The following CTDP1 variants were observed in gnomAD, a reference collection of about 807,000 sequenced individuals.
CTDP1 encodes the protein CTD phosphatase 1, also known as RNA polymerase II subunit A C-terminal domain phosphatase.
In CTDP1, 47 loss-of-function variants were observed where a neutral mutation model predicts 91.8. The ratio of observed to expected loss-of-function variants is 0.51; its 90% CI spans 0.41 to 0.65. The LOEUF (loss-of-function observed/expected upper bound fraction) is 0.65. CTDP1 is among the 30% of genes least tolerant of loss of function. CTDP1 has a pLI of 0.00. For missense variants in CTDP1, 1,272 were observed against 1,373.7 expected (o/e 0.93, Z 1.17); for synonymous variants, 656 against 598.5 (o/e 1.10, Z -1.40).
chr18:79,695,131 G>C (rs2085720640), intron 1 of CTDP1, 94 bp from the exon 2 acceptor site: 1 of 1,116,520 alleles, frequency 9.0e-7, no homozygotes, highest in Admixed American at 1.9e-5. Context: ...GTGTAGAATT[G>C]GTACAAAAAC....
At chr18:79,711,614 A>G (rs550241401) in intron 6 of CTDP1, among the ~76,000 whole-genome samples, 37 of 152,328 alleles carry the variant, frequency 2.4e-4, no homozygotes, top group African/African-American at 8.4e-4. Flanking sequence ...CAGCGTCAGC[A>G]TCTGAGGTTG....
chr18:79,750,443 C>A (rs10460022), intron 12 of CTDP1, among the ~76,000 whole-genome samples: 4 of 151,946 alleles, frequency 2.6e-5, no homozygotes, highest in African/African-American at 9.7e-5. Context: ...AAAATAAATT[C>A]GTTTAAAACT....
At chr18:79,712,435 C>T (rs2086103747) in intron 6 of CTDP1, among the ~76,000 whole-genome samples, 2 of 152,162 alleles carry the variant, frequency 1.3e-5, no homozygotes, top group South Asian at 4.1e-4. Context: ...GCGCACACCC[C>T]CACACCTGTC....
In CTDP1 at chr18:79,690,593, T is replaced by G. The variant is rs146274380; in HGVS notation, c.315-4632T>G. ...TTTTCACCCCTGTTTTCTGTCAGCA[T>G]CTGCAAAGACGAAGTGTAGAAATGT... On this transcript the variant is annotated intron_variant, in intron 1 of 12. Transcript: ENST00000613122. Among the ~76,000 whole-genome samples the G allele has an allele frequency of 4.1e-3, 624 of 152,316 alleles. 8 individuals are homozygous for G. Among genetic ancestry groups the G allele is most frequent in the African/African-American group, 0.014 (572 of 41,574 alleles).
rs371304097 is a variant in CTDP1 at position 79,697,245 on chromosome 18, T to G, written c.493-615T>G. The stretch of plus-strand genomic sequence containing the variant: ...CCTGAGCGGGACCAGGATTTTGTTG[T>G]GAAGAGTGAGGGCCAGTTACAGTGA... On this transcript the variant is annotated intron_variant, in intron 3 of 12. Coordinates refer to ENST00000613122, the MANE Select transcript of CTDP1 (RefSeq NM_004715.5). Among the ~76,000 whole-genome samples, 624 of 152,292 alleles carry G rather than the reference T, an allele frequency of 4.1e-3. 9 individuals are homozygous for G. Among genetic ancestry groups the G allele is most frequent in the African/African-American group, 0.014 (572 of 41,558 alleles).
At chr18:79,721,115 A>G (rs917511782) in intron 10 of CTDP1, among the ~76,000 whole-genome samples, 1 of 152,152 alleles carries the variant, frequency 6.6e-6, no homozygotes, top group African/African-American at 2.4e-5. Context: ...CACGCTGCCC[A>G]CTTGCTCCTG....
chr18:79,707,374 GCAGA>G (rs1381060001), intron 5 of CTDP1, among the ~76,000 whole-genome samples: 5 of 152,244 alleles, frequency 3.3e-5, no homozygotes, highest in Non-Finnish European at 7.3e-5. Flanking sequence ...GAGCATCCAT[GCAGA>G]CATCCGCAGG....
intron 11 of CTDP1, among the ~76,000 whole-genome samples, chr18:79,733,466 A>G (rs2086605834): frequency 6.6e-6 from 1 of 151,478 alleles, no homozygotes; most frequent in Non-Finnish European, 1.5e-5. Flanking sequence ...TCTCCTGTAC[A>G]CCCCTGCGGA....
intron 12 of CTDP1, among the ~76,000 whole-genome samples, chr18:79,752,011 T>C (rs531749761): frequency 6.6e-6 from 1 of 152,314 alleles, no homozygotes; most frequent in East Asian, 1.9e-4. Context: ...CCTCTAAGGT[T>C]GTAGCTGAGG....
At chr18:79,683,953 G>C (rs1467803222) in intron 1 of CTDP1, among the ~76,000 whole-genome samples, 2 of 152,210 alleles carry the variant, frequency 1.3e-5, no homozygotes, top group Non-Finnish European at 2.9e-5. Context: ...CCTTTATCTT[G>C]ATCCTTTCAC....
At position 79,701,863 on chromosome 18, in the gene CTDP1, G is replaced by A. The variant is rs190354358; in HGVS notation, c.622-2904G>A. On this transcript the variant is annotated intron_variant, in intron 4 of 12. Coordinates refer to ENST00000613122, the MANE Select transcript of CTDP1 (RefSeq NM_004715.5). ...GAGCTGCAGGTGTGGTGGAAATAGC[G>A]AGAGAATTAGGAGTGGAGCCTGAAG... Among the ~76,000 whole-genome samples, 358 of 152,364 alleles carry A rather than the reference G, an allele frequency of 2.3e-3. 1 individual carries two copies. The highest frequency in any genetic ancestry group is 3.9e-3 in the Non-Finnish European group (262 of 68,030).
chr18:79,681,367 C>T (rs901489698), intron 1 of CTDP1: 1 of 769,044 alleles, frequency 1.3e-6, no homozygotes, highest in Non-Finnish European at 1.6e-6. Flanking sequence ...ACGGCTTCCT[C>T]AGTGGGCACT....
intron 1 of CTDP1, among the ~76,000 whole-genome samples, chr18:79,694,739 G>C (rs1238958876): frequency 3.3e-5 from 5 of 152,214 alleles, no homozygotes; most frequent in Non-Finnish European, 7.3e-5. Flanking sequence ...GAAGACCACT[G>C]TTTGGACAAA....
Position 79,679,913 on chromosome 18 carries a change from C to T in CTDP1, c.-35C>T. 1 of 1,378,292 alleles carries T rather than the reference C, an allele frequency of 7.3e-7. No individual in the cohort carries two copies. The highest frequency in any genetic ancestry group is 1.4e-5 in the South Asian group (1 of 70,156). The allele number at this position is 1,378,292 out of a possible 1,614,324, so 85.4% of individuals were successfully genotyped here. A position where few individuals can be genotyped will look rare whatever the true frequency, so the allele number is the denominator to read the frequency against. ...CGCTGCGCTCTGAGCGCAGCGCAGG[C>T]CCCGTACCGACCGCCCGCCCGCCCT... On this transcript the variant is annotated 5_prime_UTR_variant, in exon 1 of 13. Transcript: ENST00000613122.
At chr18:79,740,752 A>G (rs2086760044) in intron 12 of CTDP1, among the ~76,000 whole-genome samples, 1 of 152,224 alleles carries the variant, frequency 6.6e-6, no homozygotes, top group Non-Finnish European at 1.5e-5. Flanking sequence ...CTTGTCTACC[A>G]AGAGTGATTC....
intron 1 of CTDP1, among the ~76,000 whole-genome samples, chr18:79,687,028 G>A (rs377270453): frequency 2.0e-5 from 2 of 97,564 alleles, no homozygotes; most frequent in Non-Finnish European, 4.2e-5. Context: ...TCACTGGTGG[G>A]CCTGCACCGC....
At chr18:79,681,059 G>T (rs985106468) in intron 1 of CTDP1, 2 of 152,316 alleles carry the variant, frequency 1.3e-5, no homozygotes, top group African/African-American at 4.8e-5. Flanking sequence ...CTCCCTCTGG[G>T]AAAGGTGCCG....
intron 1 of CTDP1, among the ~76,000 whole-genome samples, chr18:79,687,278 G>T (rs1451474777): frequency 8.9e-6 from 1 of 111,866 alleles, no homozygotes; most frequent in Non-Finnish European, 1.8e-5. Flanking sequence ...GCCTGCACCA[G>T]AGCAGTTGGC....
chr18:79,681,133 G>A (rs11081553), intron 1 of CTDP1, among the ~76,000 whole-genome samples: 5 of 152,208 alleles, frequency 3.3e-5, no homozygotes, highest in Admixed American at 6.5e-5. Context: ...CCTTTGGCTT[G>A]CCCTGACCCT....
Sources: allele counts gnomAD v4.1 joint callset (sites outside exome capture counted in the v4.1 genomes callset), GRCh38; gene constraint gnomAD v4.1.1; transcripts MANE v1.5; gene names NCBI Gene and HGNC (gene_info 2026-07-23, HGNC 2026-07-21).